The following CDYL variants were observed in gnomAD, a reference collection of about 807,000 sequenced individuals.
The protein encoded by CDYL is chromodomain Y-like protein.
In CDYL, 8 loss-of-function variants were observed where a neutral mutation model predicts 47.3. The observed-to-expected ratio is 0.17, with a 90% confidence interval of 0.10 to 0.31. CDYL has a LOEUF of 0.31. CDYL is among the 10% of genes least tolerant of loss of function. CDYL has a pLI of 1.00. For synonymous variants in CDYL, 266 were observed against 265.0 expected, an observed-to-expected ratio of 1.00 and a Z score of -0.04; for missense variants, 471 against 701.4, an observed-to-expected ratio of 0.67 and a Z score of 3.71.
chr6:4,722,474 G>A (rs190401827), intron 2 of CDYL, among the ~76,000 whole-genome samples: 2 of 152,310 alleles, frequency 1.3e-5, no homozygotes, highest in East Asian at 3.9e-4. Flanking sequence ...ATAAGAAAAT[G>A]TTCGTCAAAT....
intron 1 of CDYL, among the ~76,000 whole-genome samples, chr6:4,837,998 G>A (rs772776188): frequency 2.0e-5 from 3 of 150,372 alleles, no homozygotes; most frequent in Non-Finnish European, 4.4e-5. Flanking sequence ...GGCTCATCTC[G>A]AACTCCTGGG....
At chr6:4,736,363 A>T (rs1317195926) in intron 3 of CDYL, among the ~76,000 whole-genome samples, 1 of 152,238 alleles carries the variant, frequency 6.6e-6, no homozygotes, top group Non-Finnish European at 1.5e-5. Flanking sequence ...TGTTGCGTAC[A>T]TTCATAATTG....
chr6:4,761,844 G>A (rs1488382967), intron 3 of CDYL, among the ~76,000 whole-genome samples: 1 of 152,188 alleles, frequency 6.6e-6, no homozygotes, highest in African/African-American at 2.4e-5. Context: ...TTCCAGTAAT[G>A]GCAGACTAAA....
intron 2 of CDYL, among the ~76,000 whole-genome samples, chr6:4,894,994 CTT>C (rs1217017786): frequency 6.0e-5 from 9 of 149,262 alleles, no homozygotes; most frequent in South Asian, 2.1e-4. Context: ...TATGTGTATA[CTT>C]GTGTGTATGT....
chr6:4,748,212 A>T (rs1168338007), intron 3 of CDYL, among the ~76,000 whole-genome samples: 1 of 152,154 alleles, frequency 6.6e-6, no homozygotes, highest in Non-Finnish European at 1.5e-5. Flanking sequence ...ATCCCTAATT[A>T]GGTAACAGCT....
intron 2 of CDYL, among the ~76,000 whole-genome samples, chr6:4,924,337 C>A (rs1757804362): frequency 6.6e-6 from 1 of 152,192 alleles, no homozygotes; most frequent in Non-Finnish European, 1.5e-5. Flanking sequence ...AGAATGCTCC[C>A]TAAGCCTGTG....
At chr6:4,752,596 G>A (rs1301948443) in intron 3 of CDYL, among the ~76,000 whole-genome samples, 1 of 151,988 alleles carries the variant, frequency 6.6e-6, no homozygotes, top group Non-Finnish European at 1.5e-5. Flanking sequence ...AAATAGAATA[G>A]GTGAGCACTA....
chr6:4,937,513 A>G (rs56133250), intron 3 of CDYL, 52 bp from the exon 4 acceptor site: 914,454 of 1,410,932 alleles, frequency 0.65, 301,257 homozygotes, highest in East Asian at 0.75. Flanking sequence ...AAATGCTTTA[A>G]GATTTTAAAC....
At chr6:4,730,776 A>G (rs1454541334) in intron 2 of CDYL, among the ~76,000 whole-genome samples, 1 of 151,024 alleles carries the variant, frequency 6.6e-6, no homozygotes, top group Admixed American at 6.6e-5. Context: ...CTGAAACAAC[A>G]CAGAAGAGTT....
chr6:4,768,620 TCTC>T (rs999092307), intron 3 of CDYL, among the ~76,000 whole-genome samples: 2 of 151,512 alleles, frequency 1.3e-5, no homozygotes, highest in East Asian at 1.9e-4. Context: ...AAGAGAGAAA[TCTC>T]CTATGCAGAA....
At chr6:4,715,922 G>A (rs1239142903) in intron 2 of CDYL, 4 of 1,593,958 alleles carry the variant, frequency 2.5e-6, no homozygotes, top group Non-Finnish European at 3.4e-6. Context: ...GATGCAGTAG[G>A]CAGAATTCTT....
chr6:4,806,317 C>G (rs1314367779), intron 1 of CDYL, among the ~76,000 whole-genome samples: 1 of 152,242 alleles, frequency 6.6e-6, no homozygotes, highest in Admixed American at 6.5e-5. Flanking sequence ...ATCTGAGAAG[C>G]AGCACCTTCA....
intron 5 of CDYL, among the ~76,000 whole-genome samples, chr6:4,947,359 G>T (rs1209504177): frequency 1.3e-5 from 2 of 152,090 alleles, no homozygotes; most frequent in African/African-American, 2.4e-5. Context: ...CAAGTTCTAG[G>T]GTACCTCCCC....
intron 1 of CDYL, among the ~76,000 whole-genome samples, chr6:4,846,919 T>C (rs1311539109): frequency 6.6e-6 from 1 of 152,222 alleles, no homozygotes; most frequent in Non-Finnish European, 1.5e-5. Context: ...AGTTCTACTC[T>C]TTCCTTTTCC....
intron 3 of CDYL, among the ~76,000 whole-genome samples, chr6:4,762,229 A>G (rs1470539683): frequency 1.3e-5 from 2 of 152,240 alleles, no homozygotes; most frequent in Non-Finnish European, 2.9e-5. Flanking sequence ...CCTAGAGACT[A>G]CAGCTTAGCT....
At chr6:4,727,374 A>G (rs1462090719) in intron 2 of CDYL, among the ~76,000 whole-genome samples, 3 of 152,180 alleles carry the variant, frequency 2.0e-5, no homozygotes, top group Non-Finnish European at 4.4e-5. Context: ...CAAACACTGT[A>G]AAACAGGTTT....
chr6:4,706,650 G>A (rs1241243750), intron 1 of CDYL, among the ~76,000 whole-genome samples: 1 of 152,104 alleles, frequency 6.6e-6, no homozygotes, highest in Non-Finnish European at 1.5e-5. Flanking sequence ...TTAGCCAGGT[G>A]TGGTGGTGCG....
intron 1 of CDYL, among the ~76,000 whole-genome samples, chr6:4,819,437 G>A (rs1759771545): frequency 6.6e-6 from 1 of 152,102 alleles, no homozygotes; most frequent in African/African-American, 2.4e-5. Flanking sequence ...AATTTGTCAT[G>A]TCTACCAGAT....
At chr6:4,737,566 G>C (rs1757725045) in intron 3 of CDYL, among the ~76,000 whole-genome samples, 1 of 151,304 alleles carries the variant, frequency 6.6e-6, no homozygotes, top group African/African-American at 2.4e-5. Flanking sequence ...AGAATCCCTT[G>C]AAACTGGGAG....
Sources: gnomAD v4.1 joint callset for allele counts (sites outside exome capture counted in the v4.1 genomes callset) on GRCh38, gnomAD v4.1.1 for gene constraint, MANE v1.5 for transcripts, NCBI Gene and HGNC (gene_info 2026-07-23, HGNC 2026-07-21) for gene names.